Variants in KCNQ5 observed in about 807,000 individuals in gnomAD.
The protein encoded by KCNQ5 is potassium voltage-gated channel subfamily Q member 5.
A neutral mutation model predicts 98.2 loss-of-function variants in KCNQ5; 30 were observed. That is an observed-to-expected ratio of 0.31 (90% confidence interval 0.23 to 0.41). The LOEUF is 0.41. KCNQ5 is among the 10% of genes least tolerant of loss of function. The probability of loss-of-function intolerance (pLI) is 1.00; values close to 1 mark genes in which losing one functional copy is unlikely to be tolerated. For missense variants in KCNQ5, 835 were observed against 1,182.5 expected (o/e 0.71, Z 4.31); for synonymous variants, 458 against 449.4 (o/e 1.02, Z -0.24).
intron 3 of KCNQ5, among the ~76,000 whole-genome samples, chr6:73,050,181 TA>T (rs1772154849): frequency 6.6e-6 from 1 of 150,480 alleles, no homozygotes. Flanking sequence ...TGCACCACTG[TA>T]CTGCAGCCTG....
At chr6:72,772,026 A>AT (rs891612521) in intron 1 of KCNQ5, among the ~76,000 whole-genome samples, 3 of 152,060 alleles carry the variant, frequency 2.0e-5, no homozygotes, top group Admixed American at 6.6e-5. Flanking sequence ...TAAAAAGTTG[A>AT]TTTTTTGCCT....
intron 1 of KCNQ5, among the ~76,000 whole-genome samples, chr6:72,806,157 G>A (rs1337704758): frequency 6.6e-6 from 1 of 152,122 alleles, no homozygotes; most frequent in Non-Finnish European, 1.5e-5. Context: ...AGAAACTGAA[G>A]CTTGTGAGAA....
In KCNQ5 at chr6:73,194,826, T is replaced by TA. The variant is rs756656128; in HGVS notation, c.2212dup (p.Thr738AsnfsTer32). 9 of 1,614,046 alleles carry TA rather than the reference T, an allele frequency of 5.6e-6. No homozygotes were observed. The highest frequency in any genetic ancestry group is 4.2e-6 in the Non-Finnish European group (5 of 1,180,018). On this transcript the variant is annotated frameshift_variant, in exon 14 of 14. Coordinates refer to ENST00000370398, the MANE Select transcript of KCNQ5 (RefSeq NM_019842.4). LOFTEE classifies it high-confidence loss of function. ...CCAACACCATTGCAAACCAAATAAA[T>TA]ACGGCACCCAAGCCAGCAGCCCCAA... is the stretch of plus-strand genomic sequence containing the variant.
At chr6:73,139,755 A>G (rs901712850) in intron 10 of KCNQ5, among the ~76,000 whole-genome samples, 22 of 152,334 alleles carry the variant, frequency 1.4e-4, no homozygotes, top group African/African-American at 5.1e-4. Flanking sequence ...ACATACAGTC[A>G]GCCCATAAAT....
At chr6:73,024,381 T>TGATAGATAGATAGATTGGATAGATAGATA in intron 2 of KCNQ5, among the ~76,000 whole-genome samples, 1 of 120,654 alleles carries the variant, frequency 8.3e-6, no homozygotes, top group Non-Finnish European at 1.7e-5. Context: ...GATAGATAGA[T>TGATAGATAGATAGATTGGATAGATAGATA]GATAGATAGA....
chr6:72,763,492 A>G (rs1345175340), intron 1 of KCNQ5, among the ~76,000 whole-genome samples: 1 of 152,090 alleles, frequency 6.6e-6, no homozygotes, highest in East Asian at 1.9e-4. Flanking sequence ...AGTGTATAAA[A>G]TGTCAATTAC....
intron 1 of KCNQ5, among the ~76,000 whole-genome samples, chr6:72,664,860 CA>C (rs1290124151): frequency 6.6e-6 from 1 of 152,072 alleles, no homozygotes; most frequent in Non-Finnish European, 1.5e-5. Context: ...GGACATTATT[CA>C]AAACTGTTAC....
chr6:72,946,043 A>G (rs1207636504), intron 1 of KCNQ5, among the ~76,000 whole-genome samples: 3 of 152,204 alleles, frequency 2.0e-5, no homozygotes, highest in Non-Finnish European at 4.4e-5. Context: ...GACCAGCTGT[A>G]TCCAAAGGTC....
At chr6:73,075,454 C>T (rs1321576523) in intron 3 of KCNQ5, among the ~76,000 whole-genome samples, 2 of 152,138 alleles carry the variant, frequency 1.3e-5, no homozygotes, top group African/African-American at 2.4e-5. Flanking sequence ...ATCTCCTGAC[C>T]TCATGATCCG....
chr6:73,134,047 G>T (rs1250777647), intron 10 of KCNQ5: 2 of 468,106 alleles, frequency 4.3e-6, no homozygotes, highest in East Asian at 1.4e-4. Flanking sequence ...ACAGTAAGGA[G>T]GATGATCATT....
chr6:72,829,104 G>A (rs1256059835), intron 1 of KCNQ5, among the ~76,000 whole-genome samples: 2 of 152,004 alleles, frequency 1.3e-5, no homozygotes, highest in Admixed American at 1.3e-4. Context: ...ACACACCTTT[G>A]CTTGCCTGTT....
At chr6:72,715,426 G>A (rs61075759) in intron 1 of KCNQ5, among the ~76,000 whole-genome samples, 19,301 of 152,190 alleles carry the variant, frequency 0.13, 1,358 homozygotes, top group East Asian at 0.22. Flanking sequence ...ACAGAGCCTT[G>A]TTATGCTTTA....
chr6:72,907,148 G>T (rs1779731255), intron 1 of KCNQ5, among the ~76,000 whole-genome samples: 1 of 151,988 alleles, frequency 6.6e-6, no homozygotes, highest in African/African-American at 2.4e-5. Context: ...GTTATCTTGT[G>T]CATGCTTATA....
chr6:73,137,726 A>C (rs909265845), intron 10 of KCNQ5, among the ~76,000 whole-genome samples: 2 of 152,192 alleles, frequency 1.3e-5, no homozygotes, highest in African/African-American at 2.4e-5. Flanking sequence ...TAAGAGTTGA[A>C]TCTAAGTAAC....
chr6:72,988,666 T>TG (rs1408495811), intron 1 of KCNQ5, among the ~76,000 whole-genome samples: 1 of 149,226 alleles, frequency 6.7e-6, no homozygotes, highest in Non-Finnish European at 1.5e-5. Context: ...TTTTTTTTTT[T>TG]TATTATACTC....
chr6:72,978,656 TA>T (rs1264287127), intron 1 of KCNQ5, among the ~76,000 whole-genome samples: 1 of 152,072 alleles, frequency 6.6e-6, no homozygotes, highest in Non-Finnish European at 1.5e-5. Context: ...AGTACATAGA[TA>T]AAGAAACACA....
intron 1 of KCNQ5, among the ~76,000 whole-genome samples, chr6:72,681,369 C>T (rs6926943): frequency 0.22 from 33,367 of 152,092 alleles, 4,696 homozygotes; most frequent in East Asian, 0.51. Flanking sequence ...CACGTTACCT[C>T]TTAGCATCAC....
intron 1 of KCNQ5, among the ~76,000 whole-genome samples, chr6:72,848,568 A>G (rs1028349042): frequency 3.4e-4 from 51 of 152,208 alleles, no homozygotes; most frequent in African/African-American, 1.1e-3. Context: ...TTGTAACTCA[A>G]ATAACTTTAC....
chr6:73,128,202 C>T (rs1398605332), intron 9 of KCNQ5, among the ~76,000 whole-genome samples: 1 of 152,230 alleles, frequency 6.6e-6, no homozygotes, highest in Admixed American at 6.5e-5. Flanking sequence ...CTGTTAGTCT[C>T]AACTGAGCCT....
Sources: allele counts gnomAD v4.1 joint callset (sites outside exome capture counted in the v4.1 genomes callset), GRCh38; gene constraint gnomAD v4.1.1; transcripts MANE v1.5; gene names NCBI Gene and HGNC (gene_info 2026-07-23, HGNC 2026-07-21).